The following CRTC3 variants were observed in gnomAD, a reference collection of about 807,000 sequenced individuals.
CRTC3 encodes CREB-regulated transcription coactivator 3.
A neutral mutation model predicts 74.5 loss-of-function variants in CRTC3; 26 were observed. The ratio of observed to expected loss-of-function variants is 0.35; its 90% CI spans 0.26 to 0.48. CRTC3 has a LOEUF of 0.48. CRTC3 is among the 20% of genes least tolerant of loss of function. The pLI is 0.99. For missense variants in CRTC3, 760 were observed against 787.3 expected (o/e 0.97, Z 0.41); for synonymous variants, 377 against 325.8 (o/e 1.16, Z -1.69).
chr15:90,623,607 C>T (rs571153133), intron 9 of CRTC3, among the ~76,000 whole-genome samples: 7 of 152,218 alleles, frequency 4.6e-5, no homozygotes, highest in African/African-American at 1.2e-4. Context: ...AGAGTCATAG[C>T]GGCCTCTCCA....
Position 90,642,414 on chromosome 15 carries a change from C to A in CRTC3, c.*274C>A, listed in dbSNP as rs898999496. On this transcript the variant is annotated 3_prime_UTR_variant, in exon 15 of 15. Coordinates refer to ENST00000268184, the MANE Select transcript of CRTC3 (RefSeq NM_022769.5). ...TGAACTGGAAAGCTCACCTCCACTG[C>A]ATCTTTTTACTGGCCATCCAGTCAG... 3.9e-5 allele frequency: 20 copies of A among 507,378 alleles called. No individual in the cohort carries two copies. Among genetic ancestry groups the A allele is most frequent in the Non-Finnish European group, 6.4e-5 (18 of 279,216 alleles). 31.4% of individuals were successfully genotyped at this position (507,378 alleles called of 1,614,324 possible). A position where few individuals can be genotyped will look rare whatever the true frequency, so the allele number is the denominator to read the frequency against.
In CRTC3 at chr15:90,569,106, T is replaced by G. The variant is rs7173346; in HGVS notation, c.232-24530T>G. ...CTCCTGGGCTCAAGCAGTCTTCCCA[T>G]TCCAGCCTCCTGAGTAGCTGGAACT... On this transcript the variant is annotated intron_variant, in intron 2 of 14. Coordinates refer to ENST00000268184, the MANE Select transcript of CRTC3 (RefSeq NM_022769.5). Among the ~76,000 whole-genome samples, 1,212 of 151,850 alleles carry G rather than the reference T, an allele frequency of 8.0e-3. 18 individuals carry two copies. The highest frequency in any genetic ancestry group is 0.028 in the African/African-American group (1,163 of 41,408).
chr15:90,549,431 A>T (rs920636370), intron 2 of CRTC3, among the ~76,000 whole-genome samples: 19 of 152,212 alleles, frequency 1.2e-4, no homozygotes, highest in African/African-American at 4.3e-4. Context: ...ATTTAAATTT[A>T]AAAATCCAGC....
intron 2 of CRTC3, among the ~76,000 whole-genome samples, chr15:90,562,695 C>G (rs1226051065): frequency 6.6e-6 from 1 of 152,088 alleles, no homozygotes; most frequent in Non-Finnish European, 1.5e-5. Context: ...CTTCCCTTGA[C>G]TACCTAGGAA....
At chr15:90,611,774 T>C (rs1968360853) in intron 6 of CRTC3, among the ~76,000 whole-genome samples, 1 of 152,176 alleles carries the variant, frequency 6.6e-6, no homozygotes, top group African/African-American at 2.4e-5. Flanking sequence ...GACTATTGCA[T>C]TGGTTTTCTA....
At chr15:90,556,352 T>C (rs1966890592) in intron 2 of CRTC3, among the ~76,000 whole-genome samples, 1 of 152,210 alleles carries the variant, frequency 6.6e-6, no homozygotes. Flanking sequence ...CCGTTGTTAA[T>C]AGATGTGGTT....
intron 7 of CRTC3, among the ~76,000 whole-genome samples, chr15:90,614,905 A>G (rs8031654): frequency 0.017 from 2,593 of 152,148 alleles, 69 homozygotes; most frequent in African/African-American, 0.059. Context: ...CTCTACTAAA[A>G]ATACAAAAAT....
At chr15:90,598,379 TATC>T (rs1254851587) in intron 3 of CRTC3, 5 of 700,996 alleles carry the variant, frequency 7.1e-6, no homozygotes, top group Non-Finnish European at 1.3e-5. Context: ...TGTCCTCTCT[TATC>T]AGAAGAAGAA....
chr15:90,582,506 T>C (rs1967566034), intron 2 of CRTC3, among the ~76,000 whole-genome samples: 1 of 152,212 alleles, frequency 6.6e-6, no homozygotes, highest in Non-Finnish European at 1.5e-5. Context: ...CAGTTTTTAA[T>C]AACGATCAAC....
intron 11 of CRTC3, among the ~76,000 whole-genome samples, chr15:90,633,445 G>T (rs1458515215): frequency 6.6e-6 from 1 of 151,982 alleles, no homozygotes; most frequent in Non-Finnish European, 1.5e-5. Context: ...TTTTCCCTTG[G>T]CATCTATTGC....
chr15:90,604,340 T>A, intron 4 of CRTC3, 45 bp from the exon 5 acceptor site: 1 of 1,507,756 alleles, frequency 6.6e-7, no homozygotes, highest in African/African-American at 1.4e-5. Context: ...CTTTGCTGTC[T>A]GTGGATTGAC....
chr15:90,578,428 T>TC (rs559209558), intron 2 of CRTC3, among the ~76,000 whole-genome samples: 72 of 151,950 alleles, frequency 4.7e-4, no homozygotes, highest in African/African-American at 1.6e-3. Flanking sequence ...ACACCTGTAA[T>TC]CCCAGCTACT....
chr15:90,641,905 G>A (rs760392423), intron 14 of CRTC3, 27 bp from the exon 15 acceptor site: 36 of 1,609,292 alleles, frequency 2.2e-5, no homozygotes, highest in Non-Finnish European at 2.8e-5. Flanking sequence ...TAACCGCACT[G>A]TTTTCCCCTC....
At chr15:90,580,409 T>C (rs1043721468) in intron 2 of CRTC3, among the ~76,000 whole-genome samples, 1 of 151,608 alleles carries the variant, frequency 6.6e-6, no homozygotes, top group Non-Finnish European at 1.5e-5. Context: ...TCAGTCCCGC[T>C]GGTTTTTCTT....
At chr15:90,634,204 C>T (rs888125484) in intron 11 of CRTC3, among the ~76,000 whole-genome samples, 2 of 151,020 alleles carry the variant, frequency 1.3e-5, no homozygotes, top group Non-Finnish European at 3.0e-5. Flanking sequence ...CTCCGCCATC[C>T]AGGTTCAAAC....
At chr15:90,606,623 G>A (rs1968228375) in intron 5 of CRTC3, among the ~76,000 whole-genome samples, 1 of 152,092 alleles carries the variant, frequency 6.6e-6, no homozygotes, top group East Asian at 1.9e-4. Context: ...ATTTGTTTAT[G>A]TGAGAATATC....
intron 2 of CRTC3, among the ~76,000 whole-genome samples, chr15:90,586,095 A>G (rs1384329462): frequency 2.0e-5 from 3 of 152,184 alleles, no homozygotes; most frequent in Non-Finnish European, 2.9e-5. Flanking sequence ...TGACGATGGT[A>G]TTCCAGGAAA....
chr15:90,617,532 T>C (rs973265275), intron 7 of CRTC3, among the ~76,000 whole-genome samples: 5 of 152,248 alleles, frequency 3.3e-5, no homozygotes, highest in Admixed American at 6.5e-5. Context: ...CTTTTTGTTG[T>C]TGTCTTTGTT....
intron 6 of CRTC3, 42 bp from the exon 7 acceptor site, chr15:90,614,411 A>T (rs1567185078): frequency 7.0e-7 from 1 of 1,432,212 alleles, no homozygotes; most frequent in Non-Finnish European, 9.8e-7. Flanking sequence ...TGAAAGTACC[A>T]CATAAAAGTG....
Sources: allele counts gnomAD v4.1 joint callset (sites outside exome capture counted in the v4.1 genomes callset), GRCh38; gene constraint gnomAD v4.1.1; transcripts MANE v1.5; gene names NCBI Gene and HGNC (gene_info 2026-07-23, HGNC 2026-07-21).